STAG1: variants seen among roughly 807,000 people sequenced by gnomAD.
STAG1 encodes the protein cohesin subunit SA-1.
STAG1 carries 26 observed loss-of-function variants against 170.9 expected under a neutral mutation model. The observed-to-expected ratio is 0.15, with a 90% confidence interval of 0.11 to 0.21. STAG1 has a LOEUF of 0.21. Ranked by LOEUF, STAG1 falls within the 10% of genes least tolerant of loss-of-function variation. The pLI is 1.00. For synonymous variants in STAG1, 514 were observed against 497.7 expected, an observed-to-expected ratio of 1.03 and a Z score of -0.44; for missense variants, 964 against 1,509.5, an observed-to-expected ratio of 0.64 and a Z score of 5.99.
At chr3:136,668,257 TTATATATTATACATAA>T (rs1316901083) in intron 1 of STAG1, among the ~76,000 whole-genome samples, 1 of 147,132 alleles carries the variant, frequency 6.8e-6, no homozygotes. Context: ...ATAAAACACA[TTATATATTATACATAA>T]TATATATTAT....
At position 136,377,699 on chromosome 3, in the gene STAG1, C is replaced by A; in HGVS notation, c.2331G>T (p.Gln777His). 6.2e-7 allele frequency: 1 copy of A among 1,613,974 alleles called. No homozygotes were observed. Among genetic ancestry groups the A allele is most frequent in the Non-Finnish European group, 8.5e-7 (1 of 1,179,960 alleles). Residue 777 changes from glutamine to histidine, a missense_variant, in exon 23 of 34, where the codon CAG becomes CAT. Around this residue, in one of 11 missense-constraint regions of STAG1, gnomAD observed 232 missense variants for 313.0 expected, o/e 0.74. Transcript: ENST00000383202. ...KTVKSFLAVC[Q>H]QCLSNVNTPV... ...GAGTATTAACATTAGACAGGCACTG[C>A]TGGCAAACAGCCAAAAAGGATTTCA...
chr3:136,451,370 A>G (rs2088936938), intron 14 of STAG1, among the ~76,000 whole-genome samples: 1 of 152,238 alleles, frequency 6.6e-6, no homozygotes, highest in Non-Finnish European at 1.5e-5. Flanking sequence ...ATAATTTTCA[A>G]ACAAGATAAA....
chr3:136,433,326 C>T lies in STAG1; in HGVS notation c.1650+230G>A, dbSNP rs1473699887. Among the ~76,000 whole-genome samples, 5 of 151,618 alleles carry T rather than the reference C, an allele frequency of 3.3e-5. No individual in the cohort carries two copies. The East Asian group carries it at 5.8e-4, about 18-fold the overall frequency. On this transcript the variant is annotated intron_variant, in intron 16 of 33. Transcript: ENST00000383202. ...TTAAAATATATATATATATAAAATA[C>T]GTAAGTACAATAACAGAAGCAGGTA...
intron 7 of STAG1, among the ~76,000 whole-genome samples, chr3:136,512,026 G>A (rs766378216): frequency 5.3e-5 from 8 of 149,776 alleles, no homozygotes; most frequent in Non-Finnish European, 1.0e-4. Flanking sequence ...AGGCCAAGGT[G>A]GGAGGAAAGC....
At chr3:136,475,613 T>C (rs575313989) in intron 10 of STAG1, among the ~76,000 whole-genome samples, 1 of 152,308 alleles carries the variant, frequency 6.6e-6, no homozygotes, top group African/African-American at 2.4e-5. Context: ...GAAGGCTGGA[T>C]TGCTATGAGG....
chr3:136,388,912 C>T (rs1282553775), intron 22 of STAG1, among the ~76,000 whole-genome samples: 1 of 152,104 alleles, frequency 6.6e-6, no homozygotes, highest in African/African-American at 2.4e-5. Context: ...AATCTCAAAT[C>T]TCTGTACTAG....
rs7632309 is a variant in STAG1, at chr3:136,724,161, A to C, written c.-84+28034T>G. ...CAATGGCGGTTTTGTGGAATAGAGG[A>C]GGGGAGAAAGGCGGGGAAAGGATTG... On this transcript the variant is annotated intron_variant, in intron 1 of 33. Coordinates refer to ENST00000383202, the MANE Select transcript of STAG1 (RefSeq NM_005862.3). 1.1e-4 allele frequency among the ~76,000 whole-genome samples: 17 copies of C among 150,510 alleles called. 1 individual carries two copies. The highest frequency in any genetic ancestry group is 2.4e-4 in the African/African-American group (10 of 40,834).
chr3:136,690,449 C>G (rs2107896764), intron 1 of STAG1, among the ~76,000 whole-genome samples: 1 of 152,358 alleles, frequency 6.6e-6, no homozygotes, highest in Non-Finnish European at 1.5e-5. Context: ...GTTGGGCAGG[C>G]TGGTCTCAAA....
chr3:136,592,930 TTGTC>T (rs1187872370), intron 4 of STAG1, among the ~76,000 whole-genome samples: 5 of 152,316 alleles, frequency 3.3e-5, no homozygotes, highest in South Asian at 2.1e-4. Flanking sequence ...GTGCACAACT[TTGTC>T]TGAGTTCAAA....
At chr3:136,491,611 A>C (rs553145446) in intron 9 of STAG1, among the ~76,000 whole-genome samples, 77 of 152,322 alleles carry the variant, frequency 5.1e-4, no homozygotes, top group African/African-American at 1.8e-3. Flanking sequence ...CTTAAGCAAT[A>C]CCACAAGGAT....
intron 31 of STAG1, among the ~76,000 whole-genome samples, chr3:136,341,221 T>G (rs1323140233): frequency 6.6e-6 from 1 of 152,210 alleles, no homozygotes; most frequent in Non-Finnish European, 1.5e-5. Context: ...CACAGATGTT[T>G]TAGAGCTTGT....
chr3:136,453,736 G>A (rs945041142), intron 13 of STAG1, among the ~76,000 whole-genome samples: 10 of 151,326 alleles, frequency 6.6e-5, no homozygotes, highest in African/African-American at 2.4e-4. Flanking sequence ...ATATACTGTT[G>A]CTGGTTATAA....
Position 136,500,199 on chromosome 3 carries a change from A to T in STAG1, c.902+24T>A. On this transcript the variant is annotated intron_variant, in intron 9 of 33. Coordinates refer to ENST00000383202, the MANE Select transcript of STAG1 (RefSeq NM_005862.3). ...ATAATTGTTTAAGTGAAAAGCCTTC[A>T]AAATTATTTTTAAAATCTCTTACCG... 2.1e-6 allele frequency: 3 copies of T among 1,449,576 alleles called. No individual in the cohort carries two copies. The South Asian group carries it at 3.6e-5, about 18-fold the overall frequency. The allele number at this position is 1,449,576 out of a possible 1,614,324, so 89.8% of individuals were successfully genotyped here. A position where few individuals can be genotyped will look rare whatever the true frequency, so the allele number is the denominator to read the frequency against.
chr3:136,341,392 G>T, intron 31 of STAG1, 49 bp downstream of exon 31: 2 of 1,186,720 alleles, frequency 1.7e-6, no homozygotes. Flanking sequence ...ACAAAATGAT[G>T]GGCATCACAT....
At chr3:136,375,464 T>G (rs183013509) in intron 23 of STAG1, among the ~76,000 whole-genome samples, 13 of 152,310 alleles carry the variant, frequency 8.5e-5, no homozygotes, top group Admixed American at 8.5e-4. Flanking sequence ...TAGTTTGGGA[T>G]AACTGTATAT....
At chr3:136,739,694 G>A (rs1020569426) in intron 1 of STAG1, among the ~76,000 whole-genome samples, 2 of 151,526 alleles carry the variant, frequency 1.3e-5, no homozygotes, top group African/African-American at 4.9e-5. Flanking sequence ...TGTGGTGGCA[G>A]GCACCTGTAG....
At position 136,446,155 on chromosome 3, in the gene STAG1, C is replaced by T. The variant is rs548167011; in HGVS notation, c.1429-2751G>A. Among the ~76,000 whole-genome samples, 114 of 152,196 alleles carry T rather than the reference C, an allele frequency of 7.5e-4. 1 individual carries two copies. Among genetic ancestry groups the T allele is most frequent in the African/African-American group, 2.0e-3 (85 of 41,530 alleles). On this transcript the variant is annotated intron_variant, in intron 14 of 33. Coordinates refer to ENST00000383202, the MANE Select transcript of STAG1 (RefSeq NM_005862.3). ...TTCACTTCTCTTCATTTAATTTGAA[C>T]ACTATACTCCTACATTTAAAAACTA...
At chr3:136,748,228 T>G (rs1001941515) in intron 1 of STAG1, among the ~76,000 whole-genome samples, 21 of 151,768 alleles carry the variant, frequency 1.4e-4, no homozygotes, top group African/African-American at 4.6e-4. Context: ...GGTGAAACAC[T>G]GTCTCTACCA....
intron 6 of STAG1, among the ~76,000 whole-genome samples, chr3:136,541,538 T>TCACTCA (rs1935898956): frequency 8.1e-6 from 1 of 123,122 alleles, no homozygotes; most frequent in African/African-American, 3.1e-5. Context: ...AGCTTAACAT[T>TCACTCA]CACACACACA....
Sources: gnomAD v4.1 joint callset for allele counts (sites outside exome capture counted in the v4.1 genomes callset) on GRCh38, gnomAD v4.1.1 for gene constraint, gnomAD v4.1.1 regional missense constraint, MANE v1.5 for transcripts, NCBI Gene and HGNC (gene_info 2026-07-23, HGNC 2026-07-21) for gene names.